RELN: variants seen among roughly 807,000 people sequenced by gnomAD.
The protein encoded by RELN is reelin.
A neutral mutation model predicts 427.6 loss-of-function variants in RELN; 108 were observed. That is an observed-to-expected ratio of 0.25 (90% CI 0.22 to 0.30). The LOEUF is 0.30. Among genes scored for constraint, RELN ranks in the 10% least tolerant of loss-of-function variants. The pLI, the probability that RELN is intolerant of heterozygous loss-of-function variation, is 1.00. For missense variants in RELN, 3,715 were observed against 4,302.8 expected (o/e 0.86, Z 3.82); for synonymous variants, 1,524 against 1,513.4 (o/e 1.01, Z -0.16).
chr7:103,899,062 A>G (rs1397695242), intron 2 of RELN, among the ~76,000 whole-genome samples: 1 of 152,124 alleles, frequency 6.6e-6, no homozygotes, highest in Non-Finnish European at 1.5e-5. Context: ...AATAAAGAAG[A>G]AAAGAGAGAA....
intron 1 of RELN, among the ~76,000 whole-genome samples, chr7:103,920,582 T>G (rs1236931937): frequency 3.5e-5 from 2 of 57,384 alleles, no homozygotes; most frequent in Non-Finnish European, 7.6e-5. Context: ...TTTTTTTGTT[T>G]TTTTTTTTTT....
chr7:103,833,889 T>C (rs1327542699), intron 2 of RELN, among the ~76,000 whole-genome samples: 2 of 152,212 alleles, frequency 1.3e-5, no homozygotes, highest in East Asian at 3.8e-4. Context: ...ATCATTGCTA[T>C]AATATTTGCT....
At chr7:103,829,687 T>C (rs768683418) in intron 3 of RELN, among the ~76,000 whole-genome samples, 7 of 151,912 alleles carry the variant, frequency 4.6e-5, no homozygotes, top group Non-Finnish European at 7.4e-5. Context: ...AGAAAGGCCA[T>C]ACACAGGCAG....
chr7:103,734,337 TAGTAAA>T (rs1790438006), intron 6 of RELN, among the ~76,000 whole-genome samples: 1 of 151,362 alleles, frequency 6.6e-6, no homozygotes, highest in Non-Finnish European at 1.5e-5. Flanking sequence ...CTCTGCCTAA[TAGTAAA>T]AGTAATACTA....
chr7:103,745,920 A>C (rs1790811888), intron 6 of RELN, among the ~76,000 whole-genome samples: 6 of 152,196 alleles, frequency 3.9e-5, no homozygotes, highest in Admixed American at 2.0e-4. Context: ...ACACTACTTT[A>C]AAGTTCATAT....
chr7:103,794,567 A>G (rs1033265366), intron 3 of RELN, among the ~76,000 whole-genome samples: 1 of 152,204 alleles, frequency 6.6e-6, no homozygotes, highest in African/African-American at 2.4e-5. Context: ...AGGCAGAAAG[A>G]ATAATTTTTC....
chr7:103,478,652 GTAC>G (rs1481987711), intron 63 of RELN: 3 of 341,772 alleles, frequency 8.8e-6, no homozygotes, highest in Admixed American at 9.0e-5. Context: ...TGTAGCTGTA[GTAC>G]TACATTTGGC....
At chr7:103,701,212 A>G (rs1279287366) in intron 8 of RELN, among the ~76,000 whole-genome samples, 3 of 152,148 alleles carry the variant, frequency 2.0e-5, no homozygotes, top group Non-Finnish European at 2.9e-5. Context: ...AAAAAAAGGT[A>G]AAAGAAATAT....
rs145454750 is a variant in RELN, at chr7:103,483,020, CT to C, written c.10182-50del. On this transcript the variant is annotated intron_variant, in intron 62 of 64. Coordinates refer to ENST00000428762, the MANE Select transcript of RELN (RefSeq NM_005045.4). ...AGAAGTTATACATTAGGAAACAGAACTTTTTGGTATTTGACTTCTAGATGTC... is the reference window on the plus strand; with the variant it reads ...AGAAGTTATACATTAGGAAACAGAACTTTTGGTATTTGACTTCTAGATGTC... The C allele has an allele frequency of 1.9e-3, 2,820 of 1,495,086 alleles. 49 individuals carry two copies. The African/African-American group carries it at 0.034, about 18-fold the overall frequency. 92.6% of individuals were successfully genotyped at this position (1,495,086 alleles called of 1,614,324 possible).
rs549976790 is a variant in RELN at position 103,563,477 on chromosome 7, G to T, written c.5211-1524C>A. On this transcript the variant is annotated intron_variant, in intron 34 of 64. Transcript: ENST00000428762. This position sits in a 1 kb window ranked among gnomAD's most constrained non-coding sequence, Gnocchi z 4.1. ...AAACATTTTTGTACAGCTGTACAAT[G>T]TGCTTGTGTTTTAAGCTGTTATCAC... 2.0e-5 allele frequency among the ~76,000 whole-genome samples: 3 copies of T among 152,276 alleles called. No homozygotes were observed. In the East Asian group the frequency reaches 5.8e-4, roughly 29 times the overall value.
At chr7:103,814,935 T>C (rs1792833547) in intron 3 of RELN, among the ~76,000 whole-genome samples, 1 of 152,256 alleles carries the variant, frequency 6.6e-6, no homozygotes, top group Non-Finnish European at 1.5e-5. Context: ...TCCAAGCTAA[T>C]TTATACATCT....
intron 12 of RELN, among the ~76,000 whole-genome samples, chr7:103,655,291 C>G (rs1584380988): frequency 6.6e-6 from 1 of 152,174 alleles, no homozygotes; most frequent in East Asian, 1.9e-4. Context: ...TATTCTATCC[C>G]TAAGTCCCCA....
chr7:103,892,734 T>C (rs1304296767), intron 2 of RELN, among the ~76,000 whole-genome samples: 1 of 152,130 alleles, frequency 6.6e-6, no homozygotes, highest in African/African-American at 2.4e-5. Context: ...ATTGGAAAAA[T>C]ACTTTAACAT....
intron 20 of RELN, among the ~76,000 whole-genome samples, chr7:103,616,110 A>G (rs183263498): frequency 6.6e-6 from 1 of 152,308 alleles, no homozygotes; most frequent in African/African-American, 2.4e-5. Flanking sequence ...AATATGGATG[A>G]AATCTCACTA....
At chr7:103,581,685 T>C (rs911300489) in intron 28 of RELN, among the ~76,000 whole-genome samples, 3 of 152,182 alleles carry the variant, frequency 2.0e-5, no homozygotes, top group Non-Finnish European at 2.9e-5. Flanking sequence ...GAAGTCTTTT[T>C]AGCCACCATT....
At chr7:103,869,715 C>T (rs1303491758) in intron 2 of RELN, among the ~76,000 whole-genome samples, 1 of 152,020 alleles carries the variant, frequency 6.6e-6, no homozygotes, top group Non-Finnish European at 1.5e-5. Context: ...TATAGTGTGC[C>T]TAGTTATGAA....
rs937965450 is a variant in RELN, at chr7:103,503,907, A to C, written c.8275-677T>G. Among the ~76,000 whole-genome samples the C allele has an allele frequency of 5.9e-5, 9 of 151,440 alleles. No individual in the cohort carries two copies. The South Asian group carries it at 1.2e-3, about 21-fold the overall frequency. On this transcript the variant is annotated intron_variant, in intron 51 of 64. Transcript: ENST00000428762. Reference sequence around the variant, plus strand: ...AAATGTTCTTGTAAAAAAAAAAAAAAAAAAAAAAAAACTAGAGGCTGGGTG... The same window carrying C: ...AAATGTTCTTGTAAAAAAAAAAAAACAAAAAAAAAAACTAGAGGCTGGGTG...
At chr7:103,821,775 A>T (rs1170964400) in intron 3 of RELN, among the ~76,000 whole-genome samples, 2 of 149,888 alleles carry the variant, frequency 1.3e-5, no homozygotes, top group Non-Finnish European at 3.0e-5. Flanking sequence ...CTTTGCAACT[A>T]CAGTGTACAT....
At chr7:103,882,304 T>C (rs1040006478) in intron 2 of RELN, among the ~76,000 whole-genome samples, 4 of 152,156 alleles carry the variant, frequency 2.6e-5, no homozygotes, top group South Asian at 2.1e-4. Flanking sequence ...AAAATTCAAC[T>C]GCTACAAACC....
Sources: gnomAD v4.1 joint callset for allele counts (sites outside exome capture counted in the v4.1 genomes callset) on GRCh38, gnomAD v4.1.1 for gene constraint, Gnocchi (gnomAD v3.1) non-coding constraint, MANE v1.5 for transcripts, NCBI Gene and HGNC (gene_info 2026-07-23, HGNC 2026-07-21) for gene names.